The following TBC1D32 variants were observed in gnomAD, a reference collection of about 807,000 sequenced individuals.
TBC1D32 encodes the protein TBC1 domain family member 32, also known as protein broad-minded.
TBC1D32 carries 151 observed loss-of-function variants against 170.3 expected under a neutral mutation model. The ratio of observed to expected loss-of-function variants is 0.89; its 90% CI spans 0.78 to 1.01. TBC1D32 has a LOEUF of 1.01. TBC1D32 is among the 50% of genes least tolerant of loss of function. The pLI, the probability that TBC1D32 is intolerant of heterozygous loss-of-function variation, is 0.00. For missense variants in TBC1D32, 1,464 were observed against 1,457.1 expected, an observed-to-expected ratio of 1.00 and a Z score of -0.08; for synonymous variants, 498 against 488.0, an observed-to-expected ratio of 1.02 and a Z score of -0.27.
At chr6:121,152,206 A>C (rs926551531) in intron 24 of TBC1D32, among the ~76,000 whole-genome samples, 6 of 152,106 alleles carry the variant, frequency 3.9e-5, no homozygotes, top group Admixed American at 1.3e-4. Context: ...GGAGTGACAA[A>C]ATCCCTCAGC....
chr6:121,284,461 A>C (rs973025175), intron 12 of TBC1D32, among the ~76,000 whole-genome samples: 2 of 152,158 alleles, frequency 1.3e-5, no homozygotes, highest in Non-Finnish European at 2.9e-5. Context: ...TGTGTGCACT[A>C]AAATTTAATG....
In TBC1D32 at chr6:121,317,558, T is replaced by C. The variant is rs912528554; in HGVS notation, c.432A>G (p.Gln144=). 16 of 1,613,020 alleles carry C rather than the reference T, an allele frequency of 9.9e-6. No individual in the cohort carries two copies. The highest frequency in any genetic ancestry group is 1.4e-5 in the Non-Finnish European group (16 of 1,179,456). ...TRNQERQKKI[Q]KEKSHSYRTD... The stretch of plus-strand genomic sequence containing the variant: ...TGCGGTAACTATGGCTTTTCTCCTT[T>C]TGGATTTTTTTCTGCCTTTCTTGAT... The change falls in exon 3 of 32, where the codon CAA becomes CAG. Residue 144 remains glutamine (Q), a synonymous_variant. Transcript: ENST00000398212.
intron 1 of TBC1D32, among the ~76,000 whole-genome samples, chr6:121,331,322 C>T (rs1024853545): frequency 3.3e-5 from 5 of 152,078 alleles, no homozygotes; most frequent in African/African-American, 1.2e-4. Context: ...AATTCTCCTG[C>T]CTCAGCCTCC....
intron 22 of TBC1D32, among the ~76,000 whole-genome samples, chr6:121,172,819 T>C (rs951223596): frequency 3.3e-5 from 5 of 152,210 alleles, no homozygotes; most frequent in Admixed American, 2.0e-4. Context: ...CATTTAAGTG[T>C]TGTTAACTTT....
At chr6:121,233,086 T>G (rs1476344008) in intron 20 of TBC1D32, among the ~76,000 whole-genome samples, 1 of 152,130 alleles carries the variant, frequency 6.6e-6, no homozygotes, top group Non-Finnish European at 1.5e-5. Flanking sequence ...TGATATAATT[T>G]TGATTTTCTT....
intron 12 of TBC1D32, among the ~76,000 whole-genome samples, chr6:121,284,334 T>C (rs1803478036): frequency 6.6e-6 from 1 of 152,068 alleles, no homozygotes; most frequent in Non-Finnish European, 1.5e-5. Context: ...AGAGTAAATA[T>C]TTTAGATTTT....
chr6:121,139,417 A>C (rs1473775463), intron 24 of TBC1D32, among the ~76,000 whole-genome samples: 3 of 152,240 alleles, frequency 2.0e-5, no homozygotes, highest in Non-Finnish European at 4.4e-5. Context: ...TACTATTAGA[A>C]TTGGAGAATG....
At position 121,300,404 on chromosome 6, in the gene TBC1D32, G is replaced by A. The variant is rs1202337270; in HGVS notation, c.1081-899C>T. ...AGATGTTGCAGTGAACCGAGATTGC[G>A]CCACTGCACTCCAGCCTGGGTGACA... On this transcript the variant is annotated intron_variant, in intron 9 of 31. Transcript: ENST00000398212. Among the ~76,000 whole-genome samples the A allele has an allele frequency of 7.2e-5, 11 of 152,058 alleles. No homozygotes were observed. In the South Asian group the frequency reaches 1.2e-3, roughly 17 times the overall value.
intron 31 of TBC1D32, among the ~76,000 whole-genome samples, chr6:121,089,991 T>C (rs1210067630): frequency 6.6e-5 from 10 of 151,170 alleles, no homozygotes; most frequent in African/African-American, 1.9e-4. Flanking sequence ...TGGAGTGCAG[T>C]GGTGCGATCT....
chr6:121,195,870 G>A (rs768319973), intron 22 of TBC1D32, among the ~76,000 whole-genome samples: 1 of 152,174 alleles, frequency 6.6e-6, no homozygotes, highest in African/African-American at 2.4e-5. Flanking sequence ...GCAGAACTTC[G>A]AGCAGTGCAC....
In TBC1D32 at chr6:121,239,186, A is replaced by G. The variant is rs1459155969; in HGVS notation, c.2248T>C (p.Phe750Leu). The change falls in exon 20 of 32, where the codon TTT (phenylalanine) becomes CTT (leucine). Residue 750 changes from phenylalanine (F) to leucine (L), a missense_variant and splice_region_variant. This residue lies in a region of TBC1D32 where 1,363 missense variants were observed against 1,338.1 expected (regional missense o/e 1.02). Transcript: ENST00000398212. The stretch of plus-strand genomic sequence containing the variant: ...AATTCAGTTATAAGTTCATTAATAA[A>G]CCCTAAAAAGAATTATTACTTCAAG... ...AGGIALKKSG[F>L]INELITELWS... 5.9e-6 allele frequency: 9 copies of G among 1,537,590 alleles called. No individual in the cohort carries two copies. Among genetic ancestry groups the G allele is most frequent in the Non-Finnish European group, 7.2e-6 (8 of 1,117,214 alleles).
intron 31 of TBC1D32, among the ~76,000 whole-genome samples, chr6:121,089,544 T>C (rs1198971899): frequency 6.6e-6 from 1 of 152,194 alleles, no homozygotes; most frequent in African/African-American, 2.4e-5. Flanking sequence ...AATCACCTCT[T>C]AGAGAGCATT....
At chr6:121,190,078 AC>A (rs1789754397) in intron 22 of TBC1D32, among the ~76,000 whole-genome samples, 51 of 28,198 alleles carry the variant, frequency 1.8e-3, no homozygotes, top group Admixed American at 2.6e-3. Flanking sequence ...ATACAGACAC[AC>A]ACACACACAC....
intron 24 of TBC1D32, among the ~76,000 whole-genome samples, chr6:121,144,910 C>G (rs1169265600): frequency 6.6e-6 from 1 of 152,054 alleles, no homozygotes; most frequent in Admixed American, 6.5e-5. Flanking sequence ...GAAAACCAAA[C>G]AAGAGTATTT....
At chr6:121,134,958 A>T (rs1334992997) in intron 24 of TBC1D32, among the ~76,000 whole-genome samples, 1 of 143,970 alleles carries the variant, frequency 6.9e-6, no homozygotes, top group African/African-American at 2.8e-5. Context: ...ACAGAGACAA[A>T]GGCCCCCCTG....
chr6:121,208,419 A>G (rs1792579152), intron 21 of TBC1D32, among the ~76,000 whole-genome samples: 1 of 152,076 alleles, frequency 6.6e-6, no homozygotes. Flanking sequence ...AAAGCTCCTT[A>G]TAAAATCTTA....
At chr6:121,251,302 G>A (rs1676244300) in intron 17 of TBC1D32, among the ~76,000 whole-genome samples, 1 of 151,974 alleles carries the variant, frequency 6.6e-6, no homozygotes, top group South Asian at 2.1e-4. Context: ...AAAGCTGGAG[G>A]CATCATGCTA....
chr6:121,159,308 T>C (rs184738542), intron 24 of TBC1D32, among the ~76,000 whole-genome samples: 22 of 152,314 alleles, frequency 1.4e-4, no homozygotes, highest in Admixed American at 9.2e-4. Flanking sequence ...ATTTCAGTTG[T>C]TGAGTATACA....
At chr6:121,086,735 T>TTCA (rs1336095471) in intron 31 of TBC1D32, among the ~76,000 whole-genome samples, 1 of 152,176 alleles carries the variant, frequency 6.6e-6, no homozygotes, top group Admixed American at 6.6e-5. Flanking sequence ...CCAGGTTGAA[T>TTCA]TCACAAACTA....
Sources: gnomAD v4.1 joint callset for allele counts (sites outside exome capture counted in the v4.1 genomes callset) on GRCh38, gnomAD v4.1.1 for gene constraint, gnomAD v4.1.1 regional missense constraint, MANE v1.5 for transcripts, NCBI Gene and HGNC (gene_info 2026-07-23, HGNC 2026-07-21) for gene names.